The following MEIOB variants were observed in gnomAD, a reference collection of about 807,000 sequenced individuals.
MEIOB encodes meiosis-specific with OB domain-containing protein.
MEIOB carries 50 observed loss-of-function variants against 53.1 expected under a neutral mutation model. The observed-to-expected ratio is 0.94, with a 90% CI of 0.75 to 1.19. The LOEUF is 1.19. Among genes scored for constraint, MEIOB ranks in the 50% most tolerant of loss-of-function variants. The pLI, the probability that MEIOB is intolerant of heterozygous loss-of-function variation, is 0.00. For missense variants in MEIOB, 551 were observed against 550.8 expected, an observed-to-expected ratio of 1.00 and a Z score of 0.00; for synonymous variants, 192 against 182.5, an observed-to-expected ratio of 1.05 and a Z score of -0.42.
At chr16:1,843,959 G>T (rs901263686) in intron 10 of MEIOB, among the ~76,000 whole-genome samples, 7 of 151,934 alleles carry the variant, frequency 4.6e-5, no homozygotes, top group African/African-American at 1.7e-4. Flanking sequence ...TCTAGTGCAT[G>T]AAATTTAATT....
In MEIOB at chr16:1,844,955, C is replaced by A; in HGVS notation, c.787G>T (p.Glu263Ter). Residue 263 changes from glutamate to a stop codon, truncating the protein, a stop_gained, in exon 10 of 14, where the codon GAA (glutamate) becomes TAA (stop). Coordinates refer to ENST00000325962, the MANE Select transcript of MEIOB (RefSeq NM_001163560.3). LOFTEE classifies it high-confidence loss of function. ...ATAAAATTCAGCAGAATGTTAGCTTCTGGTATATCTTAAATTGAAAATGCA... is the reference window on the plus strand; with the variant it reads ...ATAAAATTCAGCAGAATGTTAGCTTATGGTATATCTTAAATTGAAAATGCA... ...TIITTNPDIP[E>*]ANILLNFIRE... 6.8e-7 allele frequency: 1 copy of A among 1,473,466 alleles called. No individual in the cohort carries two copies. The highest frequency in any genetic ancestry group is 9.4e-7 in the Non-Finnish European group (1 of 1,064,452). The allele number at this position is 1,473,466 out of a possible 1,614,324, so 91.3% of individuals were successfully genotyped here.
intron 10 of MEIOB, among the ~76,000 whole-genome samples, chr16:1,842,453 TAA>T (rs74460539): frequency 5.6e-5 from 7 of 124,728 alleles, no homozygotes; most frequent in Admixed American, 8.1e-5. Context: ...TGTCTCTACT[TAA>T]AAAAAAAAAA....
At chr16:1,849,219 G>C (rs1596972211) in intron 9 of MEIOB, among the ~76,000 whole-genome samples, 1 of 151,994 alleles carries the variant, frequency 6.6e-6, no homozygotes, top group East Asian at 1.9e-4. Context: ...AAGAAATCAA[G>C]ACCATCCTGG....
At position 1,853,122 on chromosome 16, in the gene MEIOB, G is replaced by C. The variant is rs761621564; in HGVS notation, c.695C>G (p.Ser232Ter). The change falls in exon 9 of 14, where the codon TCA (serine) becomes TGA (stop). Residue 232 changes from serine (S) to a stop codon, truncating the protein, a stop_gained. Transcript: ENST00000325962. LOFTEE classifies it high-confidence loss of function. Reference sequence around the variant, plus strand: ...TTTGTCAAAATTTATTCTTACATCTGAGGCAAATATTACTGTTTGGGAAAA... The same window carrying C: ...TTTGTCAAAATTTATTCTTACATCTCAGGCAAATATTACTGTTTGGGAAAA... ...WMPRETVIFASDVRINFDKFR... is the reference protein window; with the variant it reads ...WMPRETVIFA 2 of 1,611,396 alleles carry C rather than the reference G, an allele frequency of 1.2e-6. No individual in the cohort carries two copies. Among genetic ancestry groups the C allele is most frequent in the African/African-American group, 2.7e-5 (2 of 74,980 alleles).
intron 10 of MEIOB, chr16:1,843,674 G>A (rs979032708): frequency 6.6e-6 from 1 of 150,564 alleles, no homozygotes; most frequent in South Asian, 2.1e-4. Flanking sequence ...TCCCAGCCTG[G>A]GTGACAGAGC....
intron 6 of MEIOB, among the ~76,000 whole-genome samples, chr16:1,856,541 G>C (rs1178946495): frequency 6.6e-6 from 1 of 152,008 alleles, no homozygotes; most frequent in South Asian, 2.1e-4. Flanking sequence ...GGATGGTCTC[G>C]ATCTCCTGAC....
At chr16:1,850,948 AAAAT>A (rs1391742689) in intron 9 of MEIOB, among the ~76,000 whole-genome samples, 3 of 152,136 alleles carry the variant, frequency 2.0e-5, no homozygotes, top group African/African-American at 7.2e-5. Flanking sequence ...AAATTAAATT[AAAAT>A]AAATAAACCA....
intron 13 of MEIOB, among the ~76,000 whole-genome samples, chr16:1,836,990 G>A (rs542301200): frequency 1.3e-5 from 2 of 152,254 alleles, no homozygotes; most frequent in South Asian, 2.1e-4. Context: ...TAGGCTGGCT[G>A]GGTCCAGTCT....
At position 1,840,673 on chromosome 16, in the gene MEIOB, C is replaced by G. The variant is rs532417711; in HGVS notation, c.1034+1147G>C. On this transcript the variant is annotated intron_variant, in intron 11 of 13. Coordinates refer to ENST00000325962, the MANE Select transcript of MEIOB (RefSeq NM_001163560.3). The stretch of plus-strand genomic sequence containing the variant: ...ACGCCATTCTCCTGCCTCATCCTCT[C>G]GAGTAGCTGGGACTACAGGCGCCCA... Among the ~76,000 whole-genome samples the G allele has an allele frequency of 8.6e-5, 13 of 152,032 alleles. No individual in the cohort carries two copies. The South Asian group carries it at 2.5e-3, about 29-fold the overall frequency.
intron 9 of MEIOB, among the ~76,000 whole-genome samples, chr16:1,848,194 T>C (rs1899070796): frequency 6.6e-6 from 1 of 152,140 alleles, no homozygotes; most frequent in Non-Finnish European, 1.5e-5. Context: ...TAAATTTTGA[T>C]CCAGTAGTAT....
At chr16:1,843,335 CACAAA>C (rs1898959632) in intron 10 of MEIOB, 2 of 151,424 alleles carry the variant, frequency 1.3e-5, no homozygotes, top group East Asian at 3.9e-4. Flanking sequence ...TAAAGTACAT[CACAAA>C]ACAAAAGTTA....
At chr16:1,857,464 A>G (rs942797575) in intron 6 of MEIOB, among the ~76,000 whole-genome samples, 3 of 152,254 alleles carry the variant, frequency 2.0e-5, no homozygotes, top group African/African-American at 7.2e-5. Context: ...GCAATGTATA[A>G]AAAGTTCTCC....
At chr16:1,850,505 G>C (rs1899140646) in intron 9 of MEIOB, among the ~76,000 whole-genome samples, 1 of 152,004 alleles carries the variant, frequency 6.6e-6, no homozygotes, top group Admixed American at 6.6e-5. Flanking sequence ...GAACCCAGGA[G>C]GCGGAGGCTG....
intron 6 of MEIOB, 102 bp downstream of exon 6, chr16:1,857,633 A>G: frequency 1.2e-6 from 1 of 828,474 alleles, no homozygotes; most frequent in Non-Finnish European, 1.9e-6. Flanking sequence ...TAGAGAAGAA[A>G]AGTTACCCCA....
chr16:1,841,820 C>G lies in MEIOB; in HGVS notation c.1034G>C (p.Cys345Ser). The change falls in exon 11 of 14, where the codon TGT (cysteine) becomes TCT (serine). Residue 345 changes from cysteine (C) to serine (S), a missense_variant and splice_region_variant. Coordinates refer to ENST00000325962, the MANE Select transcript of MEIOB (RefSeq NM_001163560.3). ...TGCTAAAAGTGACACGGATCCTTAC[C>G]ATCTATTTCGAACTACTTTTGTAGT... ...DETTKVVRNR[C>S]SSCGYIVNEA... The G allele has an allele frequency of 6.4e-7, 1 of 1,556,702 alleles. No individual in the cohort carries two copies. Among genetic ancestry groups the G allele is most frequent in the Non-Finnish European group, 8.7e-7 (1 of 1,152,692 alleles).
chr16:1,864,146 T>C (rs1052470000), intron 3 of MEIOB, among the ~76,000 whole-genome samples: 2 of 152,160 alleles, frequency 1.3e-5, no homozygotes, highest in African/African-American at 4.8e-5. Flanking sequence ...AGCAAGACCC[T>C]ATCTCAAATT....
intron 5 of MEIOB, among the ~76,000 whole-genome samples, chr16:1,859,063 G>C (rs1899378933): frequency 6.6e-6 from 1 of 152,198 alleles, no homozygotes; most frequent in South Asian, 2.1e-4. Flanking sequence ...AACAATCTCA[G>C]ACGGTGACTT....
chr16:1,860,163 T>C (rs927391203), intron 5 of MEIOB, among the ~76,000 whole-genome samples: 1 of 152,200 alleles, frequency 6.6e-6, no homozygotes, highest in African/African-American at 2.4e-5. Context: ...CATGACAAAG[T>C]CAAATTTTTG....
At position 1,863,261 on chromosome 16, in the gene MEIOB, G is replaced by T. The variant is rs375845151; in HGVS notation, c.128-1145C>A. Among the ~76,000 whole-genome samples the T allele has an allele frequency of 3.9e-5, 6 of 151,906 alleles. No homozygotes were observed. In the East Asian group the frequency reaches 1.2e-3, roughly 29 times the overall value. The stretch of plus-strand genomic sequence containing the variant: ...CTGGAGTTCAGTGACGCGATCTCTC[G>T]GCTCACTGCAACCCCTGCCTCCCAG... On this transcript the variant is annotated intron_variant, in intron 3 of 13. Coordinates refer to ENST00000325962, the MANE Select transcript of MEIOB (RefSeq NM_001163560.3).
Sources: gnomAD v4.1 joint callset for allele counts (sites outside exome capture counted in the v4.1 genomes callset) on GRCh38, gnomAD v4.1.1 for gene constraint, MANE v1.5 for transcripts, NCBI Gene and HGNC (gene_info 2026-07-23, HGNC 2026-07-21) for gene names.